HCN1: variants seen among roughly 807,000 people sequenced by gnomAD.
The protein encoded by HCN1 is potassium/sodium hyperpolarization-activated cyclic nucleotide-gated channel 1.
In HCN1, 13 loss-of-function variants were observed where a neutral mutation model predicts 78.9. The observed-to-expected ratio is 0.16, with a 90% CI of 0.11 to 0.26. The LOEUF is 0.26. HCN1 is among the 10% of genes least tolerant of loss of function. The probability of loss-of-function intolerance (pLI) is 1.00; values close to 1 mark genes in which losing one functional copy is unlikely to be tolerated. For synonymous variants in HCN1, 552 were observed against 455.5 expected (o/e 1.21, Z -2.70); for missense variants, 810 against 1,154.3 (o/e 0.70, Z 4.32).
At chr5:45,659,680 A>G (rs1461252380) in intron 1 of HCN1, among the ~76,000 whole-genome samples, 10 of 137,412 alleles carry the variant, frequency 7.3e-5, no homozygotes, top group East Asian at 2.2e-4. Context: ...GAGCCGATGC[A>G]ATCAACTGGA....
chr5:45,352,413 T>C (rs1486449429), intron 5 of HCN1, among the ~76,000 whole-genome samples: 1 of 151,764 alleles, frequency 6.6e-6, no homozygotes, highest in Non-Finnish European at 1.5e-5. Context: ...TTAGGAGATA[T>C]ACCTAATGCT....
At chr5:45,372,753 T>C (rs1747439607) in intron 4 of HCN1, among the ~76,000 whole-genome samples, 1 of 143,246 alleles carries the variant, frequency 7.0e-6, no homozygotes, top group Non-Finnish European at 1.5e-5. Context: ...ATATACGTAT[T>C]CTATACACAA....
At chr5:45,509,948 T>C (rs1742378220) in intron 2 of HCN1, among the ~76,000 whole-genome samples, 1 of 152,070 alleles carries the variant, frequency 6.6e-6, no homozygotes, top group African/African-American at 2.4e-5. Context: ...CCTGAATAAG[T>C]AGAAGGAATT....
intron 3 of HCN1, among the ~76,000 whole-genome samples, chr5:45,435,420 G>A (rs1348658715): frequency 6.6e-6 from 1 of 151,834 alleles, no homozygotes; most frequent in Non-Finnish European, 1.5e-5. Flanking sequence ...TAAATTTTTG[G>A]TTAAGATAGC....
intron 6 of HCN1, among the ~76,000 whole-genome samples, chr5:45,296,711 C>G (rs983320278): frequency 4.0e-5 from 6 of 151,762 alleles, no homozygotes; most frequent in African/African-American, 1.5e-4. Context: ...TCTAGGAAGA[C>G]TGACCAAGAA....
chr5:45,499,297 G>A (rs77640397), intron 2 of HCN1, among the ~76,000 whole-genome samples: 17 of 152,294 alleles, frequency 1.1e-4, no homozygotes, highest in East Asian at 5.8e-4. Context: ...CTGGTGCGCC[G>A]TTTTTTAAGA....
At chr5:45,371,828 T>C (rs1747369840) in intron 4 of HCN1, among the ~76,000 whole-genome samples, 1 of 132,670 alleles carries the variant, frequency 7.5e-6, no homozygotes, top group East Asian at 2.1e-4. Flanking sequence ...TGTTTTCTAC[T>C]ATTTATATTA....
At chr5:45,321,435 A>C (rs1323078852) in intron 5 of HCN1, among the ~76,000 whole-genome samples, 1 of 151,916 alleles carries the variant, frequency 6.6e-6, no homozygotes, top group East Asian at 1.9e-4. Flanking sequence ...AGAGAAAACT[A>C]ACTGTGCTCA....
intron 2 of HCN1, among the ~76,000 whole-genome samples, chr5:45,478,910 TCAGAAGTTCAAGAC>T (rs1272897619): frequency 1.3e-5 from 2 of 151,980 alleles, no homozygotes; most frequent in Non-Finnish European, 2.9e-5. Context: ...GATCATGAGG[TCAGAAGTTCAAGAC>T]CAGCCTGGCC....
chr5:45,366,424 G>GTA, intron 4 of HCN1, among the ~76,000 whole-genome samples: 1 of 151,638 alleles, frequency 6.6e-6, no homozygotes, highest in African/African-American at 2.4e-5. Context: ...TGTAAGCCCT[G>GTA]TATATATATG....
chr5:45,602,790 A>C (rs561471354), intron 2 of HCN1, among the ~76,000 whole-genome samples: 1 of 152,116 alleles, frequency 6.6e-6, no homozygotes. Flanking sequence ...GCGAATACAC[A>C]TGTACACAGT....
chr5:45,632,792 C>G (rs1745291025), intron 2 of HCN1, among the ~76,000 whole-genome samples: 1 of 151,996 alleles, frequency 6.6e-6, no homozygotes, highest in African/African-American at 2.4e-5. Flanking sequence ...ATAGCCACAA[C>G]AGACACAGGT....
intron 5 of HCN1, among the ~76,000 whole-genome samples, chr5:45,336,900 C>T (rs1430197385): frequency 6.6e-6 from 1 of 151,994 alleles, no homozygotes; most frequent in East Asian, 1.9e-4. Context: ...GCTCCACCCT[C>T]ATGGCCTAAT....
chr5:45,280,099 A>G (rs958137374), intron 6 of HCN1, among the ~76,000 whole-genome samples: 6 of 152,266 alleles, frequency 3.9e-5, no homozygotes, highest in African/African-American at 1.4e-4. Context: ...ATACTAGCCA[A>G]TTTTTACAGC....
At chr5:45,417,497 C>T (rs944474962) in intron 3 of HCN1, among the ~76,000 whole-genome samples, 2 of 151,664 alleles carry the variant, frequency 1.3e-5, no homozygotes, top group Non-Finnish European at 2.9e-5. Context: ...AGTGATATAT[C>T]CAGTTTCATT....
intron 6 of HCN1, among the ~76,000 whole-genome samples, chr5:45,290,287 G>T (rs1177577032): frequency 6.6e-6 from 1 of 151,914 alleles, no homozygotes; most frequent in Non-Finnish European, 1.5e-5. Flanking sequence ...GTCTTAATTA[G>T]CAATGTGAGA....
At chr5:45,473,280 C>G (rs1314149610) in intron 2 of HCN1, among the ~76,000 whole-genome samples, 7 of 151,930 alleles carry the variant, frequency 4.6e-5, no homozygotes, top group African/African-American at 1.7e-4. Context: ...ATGGTTTTAA[C>G]ATCAACTATG....
At chr5:45,373,331 A>T (rs1329035103) in intron 4 of HCN1, among the ~76,000 whole-genome samples, 6 of 121,526 alleles carry the variant, frequency 4.9e-5, no homozygotes, top group Non-Finnish European at 9.5e-5. Flanking sequence ...TATATTTCAT[A>T]TATTTAATAT....
chr5:45,368,084 G>A (rs1384417601), intron 4 of HCN1, among the ~76,000 whole-genome samples: 2 of 151,978 alleles, frequency 1.3e-5, no homozygotes, highest in African/African-American at 2.4e-5. Context: ...AAAGGAACCA[G>A]GAGCTTACAC....
Sources: gnomAD v4.1 joint callset for allele counts (sites outside exome capture counted in the v4.1 genomes callset) on GRCh38, gnomAD v4.1.1 for gene constraint, MANE v1.5 for transcripts, NCBI Gene and HGNC (gene_info 2026-07-23, HGNC 2026-07-21) for gene names.